Variants in SPAG16 observed in about 807,000 individuals in gnomAD.
The protein encoded by SPAG16 is sperm associated antigen 16, also known as sperm-associated antigen 16 protein.
A neutral mutation model predicts 80.4 loss-of-function variants in SPAG16; 86 were observed. That is an observed-to-expected ratio of 1.07 (90% CI 0.90 to 1.28). The LOEUF is 1.28. Ranked by LOEUF, SPAG16 falls within the 50% of genes most tolerant of loss-of-function variation. SPAG16 has a pLI of 0.00. For missense variants in SPAG16, 870 were observed against 765.3 expected (o/e 1.14, Z -1.61); for synonymous variants, 294 against 265.9 (o/e 1.11, Z -1.03).
At chr2:214,102,469 G>A (rs909897594) in intron 13 of SPAG16, among the ~76,000 whole-genome samples, 1 of 151,990 alleles carries the variant, frequency 6.6e-6, no homozygotes, top group Non-Finnish European at 1.5e-5. Context: ...GTAAGGTCCC[G>A]AATGGCAGCT....
intron 10 of SPAG16, among the ~76,000 whole-genome samples, chr2:213,860,433 ATATT>A (rs770670699): frequency 3.1e-5 from 2 of 64,650 alleles, no homozygotes; most frequent in South Asian, 7.1e-4. Context: ...GTATATCTAT[ATATT>A]TATAGATATA....
At chr2:214,122,156 C>T (rs2125459294) in intron 14 of SPAG16, among the ~76,000 whole-genome samples, 1 of 151,738 alleles carries the variant, frequency 6.6e-6, no homozygotes, top group African/African-American at 2.4e-5. Flanking sequence ...ACTTGCCATA[C>T]ATATTTTGCA....
chr2:214,096,301 T>G (rs1455007997), intron 13 of SPAG16, among the ~76,000 whole-genome samples: 1 of 152,086 alleles, frequency 6.6e-6, no homozygotes, highest in Non-Finnish European at 1.5e-5. Flanking sequence ...GTAGAATTTT[T>G]TTCAAGGAAA....
chr2:213,726,321 C>G (rs572560371), intron 10 of SPAG16, among the ~76,000 whole-genome samples: 29 of 152,232 alleles, frequency 1.9e-4, no homozygotes, highest in Non-Finnish European at 4.1e-4. Context: ...AGATCCAGTC[C>G]TCCACAGTGA....
chr2:213,902,572 C>G (rs1191970843), intron 11 of SPAG16, among the ~76,000 whole-genome samples: 1 of 152,174 alleles, frequency 6.6e-6, no homozygotes, highest in Non-Finnish European at 1.5e-5. Flanking sequence ...CCCACCAGGT[C>G]TCTCCTAGAA....
At chr2:213,906,308 C>T (rs958177660) in intron 11 of SPAG16, among the ~76,000 whole-genome samples, 2 of 151,918 alleles carry the variant, frequency 1.3e-5, no homozygotes, top group Admixed American at 6.6e-5. Flanking sequence ...TAAGAATAAC[C>T]AATGAGGTAA....
chr2:214,123,448 A>T (rs1448429800), intron 14 of SPAG16, among the ~76,000 whole-genome samples: 1 of 152,086 alleles, frequency 6.6e-6, no homozygotes, highest in African/African-American at 2.4e-5. Flanking sequence ...GATAACTTTA[A>T]AACCTTTTGG....
chr2:213,598,317 A>T (rs1423570240), intron 10 of SPAG16, among the ~76,000 whole-genome samples: 1 of 152,216 alleles, frequency 6.6e-6, no homozygotes, highest in African/African-American at 2.4e-5. Flanking sequence ...AGGTTCCATC[A>T]TAGTTTCCAA....
chr2:214,168,326 T>G (rs1246895839), intron 15 of SPAG16, among the ~76,000 whole-genome samples: 1 of 152,072 alleles, frequency 6.6e-6, no homozygotes, highest in Admixed American at 6.6e-5. Context: ...AGTTTTCGCC[T>G]CTGTAAAATG....
chr2:213,935,603 A>G (rs2078954236), intron 12 of SPAG16, among the ~76,000 whole-genome samples: 1 of 152,180 alleles, frequency 6.6e-6, no homozygotes, highest in Non-Finnish European at 1.5e-5. Context: ...AAAACATGCA[A>G]CTGTTGTAAG....
At chr2:213,803,043 A>G (rs558365098) in intron 10 of SPAG16, among the ~76,000 whole-genome samples, 3 of 152,180 alleles carry the variant, frequency 2.0e-5, no homozygotes, top group South Asian at 4.1e-4. Context: ...TGTATAACCT[A>G]TATCTGTCTA....
At chr2:213,398,647 G>A (rs1160441524) in intron 9 of SPAG16, among the ~76,000 whole-genome samples, 1 of 152,032 alleles carries the variant, frequency 6.6e-6, no homozygotes, top group Non-Finnish European at 1.5e-5. Flanking sequence ...ACTTTTCATA[G>A]CCATCCAATC....
chr2:213,717,077 G>A (rs1218387834), intron 10 of SPAG16, among the ~76,000 whole-genome samples: 3 of 151,584 alleles, frequency 2.0e-5, no homozygotes, highest in Non-Finnish European at 4.4e-5. Context: ...CTGTAAGGTC[G>A]AATGCATAAT....
At chr2:213,583,859 A>G (rs2060377427) in intron 10 of SPAG16, among the ~76,000 whole-genome samples, 1 of 152,248 alleles carries the variant, frequency 6.6e-6, no homozygotes, top group Non-Finnish European at 1.5e-5. Context: ...TTGAGATTGT[A>G]GTACCTGTGA....
At chr2:213,902,193 A>G (rs714126) in intron 11 of SPAG16, among the ~76,000 whole-genome samples, 88,932 of 152,084 alleles carry the variant, frequency 0.58, 27,827 homozygotes, top group South Asian at 0.84. Flanking sequence ...TTCTGTGGAT[A>G]TACCAAAGAA....
intron 10 of SPAG16, among the ~76,000 whole-genome samples, chr2:213,593,240 C>G (rs1396030046): frequency 6.6e-6 from 1 of 152,024 alleles, no homozygotes; most frequent in African/African-American, 2.4e-5. Context: ...CTTCTAATAC[C>G]CCTGTCAGAT....
intron 10 of SPAG16, among the ~76,000 whole-genome samples, chr2:213,689,489 A>G (rs2064841344): frequency 9.2e-6 from 1 of 108,696 alleles, no homozygotes; most frequent in Non-Finnish European, 1.9e-5. Flanking sequence ...ATCCTTTTGG[A>G]TCTTGATTTT....
chr2:213,979,974 C>T (rs1309369077), intron 12 of SPAG16, among the ~76,000 whole-genome samples: 1 of 151,840 alleles, frequency 6.6e-6, no homozygotes, highest in East Asian at 1.9e-4. Flanking sequence ...TCTCTCCACC[C>T]TTCCAGATTA....
intron 10 of SPAG16, among the ~76,000 whole-genome samples, chr2:213,822,997 C>T (rs986638902): frequency 6.6e-6 from 1 of 152,074 alleles, no homozygotes; most frequent in Non-Finnish European, 1.5e-5. Context: ...TGGGTTGATT[C>T]CATGTCTTTG....
Sources: allele counts gnomAD v4.1 joint callset (sites outside exome capture counted in the v4.1 genomes callset), GRCh38; gene constraint gnomAD v4.1.1; transcripts MANE v1.5; gene names NCBI Gene and HGNC (gene_info 2026-07-23, HGNC 2026-07-21).